Variants in DSN1 observed in about 807,000 individuals in gnomAD.
DSN1 encodes the protein kinetochore-associated protein DSN1 homolog.
DSN1 carries 31 observed loss-of-function variants against 45.7 expected under a neutral mutation model. That is an observed-to-expected ratio of 0.68 (90% CI 0.51 to 0.92). DSN1 has a LOEUF of 0.92. Ranked by LOEUF, DSN1 falls within the 40% of genes least tolerant of loss-of-function variation. The probability of loss-of-function intolerance (pLI) is 0.00; values close to 1 mark genes in which losing one functional copy is unlikely to be tolerated. For synonymous variants in DSN1, 134 were observed against 142.3 expected, an observed-to-expected ratio of 0.94 and a Z score of 0.41; for missense variants, 394 against 414.2, an observed-to-expected ratio of 0.95 and a Z score of 0.42.
intron 3 of DSN1, among the ~76,000 whole-genome samples, chr20:36,770,481 C>G (rs1331358686): frequency 6.6e-6 from 1 of 152,162 alleles, no homozygotes; most frequent in South Asian, 2.1e-4. Context: ...CAGAAAACCA[C>G]AGAAAGAAAT....
chr20:36,752,636 C>T lies in DSN1; in HGVS notation c.*152G>A. The T allele has an allele frequency of 1.7e-6, 1 of 578,572 alleles. No individual in the cohort carries two copies. Among genetic ancestry groups the T allele is most frequent in the South Asian group, 2.4e-5 (1 of 41,054 alleles). The allele number at this position is 578,572 out of a possible 1,614,324, so 35.8% of individuals were successfully genotyped here. A position where few individuals can be genotyped will look rare whatever the true frequency, so the allele number is the denominator to read the frequency against. On this transcript the variant is annotated 3_prime_UTR_variant, in exon 11 of 11. Coordinates refer to ENST00000373750, the MANE Select transcript of DSN1 (RefSeq NM_001145315.2). Reference sequence around the variant, plus strand: ...AATATTCATTTGGATGTACAAATTCCATCACTTTTTGAAAAAAGTCAAAGT... The same window carrying T: ...AATATTCATTTGGATGTACAAATTCTATCACTTTTTGAAAAAAGTCAAAGT...
intron 9 of DSN1, 41 bp from the exon 10 acceptor site, chr20:36,754,891 C>T: frequency 6.4e-7 from 1 of 1,562,988 alleles, no homozygotes; most frequent in Non-Finnish European, 8.8e-7. Context: ...AGGTCCATGG[C>T]TTCTTGGATG....
In DSN1 at chr20:36,752,137, C is replaced by T. The variant is rs1471401722; in HGVS notation, c.*651G>A. On this transcript the variant is annotated 3_prime_UTR_variant, in exon 11 of 11. Transcript: ENST00000373750. ...TGGCGCAATTAGAACTCACTGCAGC[C>T]TCAACCTCCTGGGCTCAAACAATCC... The T allele has an allele frequency of 6.6e-6, 1 of 152,166 alleles. No individual in the cohort carries two copies. The highest frequency in any genetic ancestry group is 1.5e-5 in the Non-Finnish European group (1 of 68,050). 9.4% of individuals were successfully genotyped at this position (152,166 alleles called of 1,614,324 possible).
intron 2 of DSN1, 24 bp downstream of exon 2, chr20:36,771,401 A>G (rs760614615): frequency 6.2e-7 from 1 of 1,610,678 alleles, no homozygotes; most frequent in Non-Finnish European, 8.5e-7. Flanking sequence ...GGTAAGAGGT[A>G]CTGAATTTCA....
At position 36,758,612 on chromosome 20, in the gene DSN1, G is replaced by A; in HGVS notation, c.596C>T (p.Ala199Val). 3 of 1,610,988 alleles carry A rather than the reference G, an allele frequency of 1.9e-6. No homozygotes were observed. Among genetic ancestry groups the A allele is most frequent in the African/African-American group, 1.3e-5 (1 of 74,972 alleles). Residue 199 changes from alanine (A) to valine (V), a missense_variant, in exon 7 of 11, where the codon GCA becomes GTA. Ala to Val is a moderately conservative substitution (Grantham distance 64). Coordinates refer to ENST00000373750, the MANE Select transcript of DSN1 (RefSeq NM_001145315.2). The part of the protein sequence containing the change: ...QKCFEDSNGK[A>V]SDFSLEASVA... ...AGATGCTTCCAAAGAAAAATCTGAT[G>A]CTTTTCTGGAAAACAGATAGGATTA...
intron 8 of DSN1, among the ~76,000 whole-genome samples, chr20:36,757,335 G>A (rs752598297): frequency 7.3e-5 from 11 of 151,582 alleles, no homozygotes; most frequent in African/African-American, 2.2e-4. Flanking sequence ...CAGCCTGGGC[G>A]ACAGAGCAAA....
At chr20:36,766,194 CAAAAAAAAAAA>C (rs368772931) in intron 5 of DSN1, among the ~76,000 whole-genome samples, 15 of 48,036 alleles carry the variant, frequency 3.1e-4, no homozygotes, top group African/African-American at 1.1e-3. Flanking sequence ...GACTCCATCT[CAAAAAAAAAAA>C]AAAAAAAGAA....
chr20:36,760,515 G>T (rs776007978), intron 6 of DSN1, among the ~76,000 whole-genome samples: 1 of 152,104 alleles, frequency 6.6e-6, no homozygotes, highest in Admixed American at 6.6e-5. Flanking sequence ...CACCATTCAG[G>T]TTTTTTTCTA....
intron 3 of DSN1, among the ~76,000 whole-genome samples, chr20:36,769,827 A>G (rs1465043187): frequency 6.6e-6 from 1 of 151,648 alleles, no homozygotes; most frequent in African/African-American, 2.4e-5. Context: ...AGATATAGTT[A>G]CTATTGTAAA....
chr20:36,760,846 C>T (rs553853445), intron 6 of DSN1, among the ~76,000 whole-genome samples: 20 of 152,106 alleles, frequency 1.3e-4, no homozygotes, highest in Non-Finnish European at 2.4e-4. Context: ...GTAGAGATTG[C>T]GCCATTACAC....
intron 8 of DSN1, among the ~76,000 whole-genome samples, chr20:36,756,161 T>C (rs1014157071): frequency 3.3e-5 from 5 of 152,084 alleles, no homozygotes; most frequent in Non-Finnish European, 4.4e-5. Flanking sequence ...TTTGTATTTT[T>C]AGTAGAGACG....
chr20:36,758,740 T>G, intron 6 of DSN1, 123 bp from the exon 7 acceptor site: 1 of 899,012 alleles, frequency 1.1e-6, no homozygotes, highest in Non-Finnish European at 1.6e-6. Context: ...CAGGCTGGAG[T>G]GCAATGGCAC....
chr20:36,761,588 C>T (rs536377408), intron 6 of DSN1, among the ~76,000 whole-genome samples: 289 of 151,778 alleles, frequency 1.9e-3, no homozygotes, highest in African/African-American at 6.7e-3. Context: ...TAGGCCGGCG[C>T]GGTGGCTCAT....
chr20:36,758,108 T>C lies in DSN1; in HGVS notation c.704A>G (p.Glu235Gly), dbSNP rs1336235631. The change falls in exon 8 of 11, where the codon GAG becomes GGG. Residue 235 changes from glutamate (E) to glycine (G), a missense_variant. Transcript: ENST00000373750. ...WDQLLLHYQQ[E>G]AKEILSRGST... ...TAACCTGGACAATATCTCTTTAGCCTCCTGCTGGTAGTGAAGCAAGAGCTG... is the reference window on the plus strand; with the variant it reads ...TAACCTGGACAATATCTCTTTAGCCCCCTGCTGGTAGTGAAGCAAGAGCTG... 1 of 1,614,086 alleles carries C rather than the reference T, an allele frequency of 6.2e-7. No homozygotes were observed.
intron 1 of DSN1, 84 bp downstream of exon 1, chr20:36,773,578 G>T: frequency 1.0e-6 from 1 of 985,834 alleles, no homozygotes; most frequent in South Asian, 4.7e-5. Context: ...CGACGCCGAA[G>T]AGATTAGTGC....
In DSN1 at chr20:36,765,390, T is replaced by C. The variant is rs573222022; in HGVS notation, c.502+1379A>G. ...GACCAACATGGAGAAACCCCGTCTC[T>C]ACTAAAAATACAAAATTAGCCCGGC... On this transcript the variant is annotated intron_variant, in intron 5 of 10. Coordinates refer to ENST00000373750, the MANE Select transcript of DSN1 (RefSeq NM_001145315.2). Among the ~76,000 whole-genome samples, 108 of 151,472 alleles carry C rather than the reference T, an allele frequency of 7.1e-4. 1 individual carries two copies. Among genetic ancestry groups the C allele is most frequent in the Admixed American group, 4.2e-3 (64 of 15,188 alleles).
Position 36,758,572 on chromosome 20 carries a change from CTT to C in DSN1, c.634_635del (p.Lys212GlyfsTer25), listed in dbSNP as rs755529458. On this transcript the variant is annotated frameshift_variant, in exon 7 of 11. Coordinates refer to ENST00000373750, the MANE Select transcript of DSN1 (RefSeq NM_001145315.2). LOFTEE classifies it high-confidence loss of function. ...GGTTAACTTACTTTGTTATGTATTC[CTT>C]CATCTCAGCCACAGATGCTTCCAAA... ...FSLEASVAEM[K>X]EYITKFSLER... 149 of 1,611,058 alleles carry C rather than the reference CTT, an allele frequency of 9.2e-5. No individual in the cohort carries two copies. Among genetic ancestry groups the C allele is most frequent in the Non-Finnish European group, 1.2e-4 (137 of 1,179,276 alleles).
Position 36,773,759 on chromosome 20 carries a change from T to C in DSN1, c.-113A>G, listed in dbSNP as rs1051114490. 107 of 985,234 alleles carry C rather than the reference T, an allele frequency of 1.1e-4. No individual in the cohort carries two copies. Among genetic ancestry groups the C allele is most frequent in the Non-Finnish European group, 1.3e-4 (104 of 829,938 alleles). The allele number at this position is 985,234 out of a possible 1,614,324, so 61.0% of individuals were successfully genotyped here. A position where few individuals can be genotyped will look rare whatever the true frequency, so the allele number is the denominator to read the frequency against. On this transcript the variant is annotated 5_prime_UTR_variant, in exon 1 of 11. Coordinates refer to ENST00000373750, the MANE Select transcript of DSN1 (RefSeq NM_001145315.2). ...ATACTCCCTGATCAGGGTGAAGCGGTCTCCACCTTCTACGTCACGGTCACC... is the reference window on the plus strand; with the variant it reads ...ATACTCCCTGATCAGGGTGAAGCGGCCTCCACCTTCTACGTCACGGTCACC...
intron 6 of DSN1, among the ~76,000 whole-genome samples, chr20:36,759,560 T>C (rs778244045): frequency 6.6e-6 from 1 of 152,030 alleles, no homozygotes; most frequent in East Asian, 1.9e-4. Context: ...CTTGGCTCAC[T>C]GCAAGCTTCA....
Sources: allele counts gnomAD v4.1 joint callset (sites outside exome capture counted in the v4.1 genomes callset), GRCh38; gene constraint gnomAD v4.1.1; transcripts MANE v1.5; gene names NCBI Gene and HGNC (gene_info 2026-07-23, HGNC 2026-07-21).